LSS: variants seen among roughly 807,000 people sequenced by gnomAD.
The protein encoded by LSS is lanosterol synthase, also known as 2,3-epoxysqualene-lanosterol cyclase.
LSS carries 90 observed loss-of-function variants against 110.3 expected under a neutral mutation model. That is an observed-to-expected ratio of 0.82 (90% CI 0.69 to 0.97). LSS has a LOEUF of 0.97. Ranked by LOEUF, LSS falls within the 50% of genes least tolerant of loss-of-function variation. The probability of loss-of-function intolerance (pLI) is 0.00; values close to 1 mark genes in which losing one functional copy is unlikely to be tolerated. For synonymous variants in LSS, 433 were observed against 400.0 expected (o/e 1.08, Z -0.98); for missense variants, 927 against 990.0 (o/e 0.94, Z 0.85).
chr21:46,228,439 C>T lies in LSS; in HGVS notation c.175G>A (p.Asp59Asn). The T allele has an allele frequency of 1.9e-6, 3 of 1,602,714 alleles. No homozygotes were observed. The highest frequency in any genetic ancestry group is 1.7e-6 in the Non-Finnish European group (2 of 1,179,576). Residue 59 changes from aspartate to asparagine, a missense_variant, in exon 2 of 22, where the codon GAC (aspartate) becomes AAC (asparagine). By Grantham distance (23) the Asp-to-Asn change is conservative. Coordinates refer to ENST00000397728, the MANE Select transcript of LSS (RefSeq NM_002340.6). The part of the protein sequence containing the change: ...TGLEAYALGL[D>N]TKNYFKDLPK... ...GCTCCGCGGAAGCAACTTACGGTGT[C>T]CAGCCCCAGGGCGTAGGCTTCCAGG...
chr21:46,203,486 A>C (rs1354607769), intron 17 of LSS, among the ~76,000 whole-genome samples: 2 of 152,214 alleles, frequency 1.3e-5, no homozygotes, highest in African/African-American at 2.4e-5. Context: ...AGGAGGGGCG[A>C]CTTAGCTTCT....
At chr21:46,223,884 A>G (rs1487982265) in intron 3 of LSS, among the ~76,000 whole-genome samples, 1 of 152,158 alleles carries the variant, frequency 6.6e-6, no homozygotes, top group African/African-American at 2.4e-5. Context: ...CGGTAGCGAA[A>G]AGTGTCAAGG....
At chr21:46,217,373 T>C (rs991629424) in intron 6 of LSS, among the ~76,000 whole-genome samples, 1 of 152,128 alleles carries the variant, frequency 6.6e-6, no homozygotes, top group African/African-American at 2.4e-5. Context: ...CCAGGGTCTG[T>C]GTGTGCCTCA....
intron 11 of LSS, among the ~76,000 whole-genome samples, chr21:46,212,461 TG>T (rs2080146498): frequency 1.3e-5 from 2 of 152,200 alleles, no homozygotes; most frequent in Admixed American, 1.3e-4. Flanking sequence ...CGGACAGGAC[TG>T]CGGTCTACAG....
intron 4 of LSS, chr21:46,222,188 C>T (rs1015744674): frequency 2.4e-5 from 14 of 580,298 alleles, no homozygotes; most frequent in South Asian, 4.2e-5. Flanking sequence ...CCTTCCTCAC[C>T]GTGACCCGCC....
At chr21:46,192,750 G>T (rs1281002490) in intron 20 of LSS, 1 of 452,318 alleles carries the variant, frequency 2.2e-6, no homozygotes, top group Non-Finnish European at 4.4e-6. Flanking sequence ...GGGTGCATCT[G>T]CATGTGTGTA....
At chr21:46,191,336 G>C (rs1305745736) in intron 21 of LSS, 101 bp from the exon 22 acceptor site, 3 of 1,350,204 alleles carry the variant, frequency 2.2e-6, no homozygotes, top group Non-Finnish European at 3.1e-6. Flanking sequence ...GCTTGTGGGT[G>C]AGTCAGCCTG....
At chr21:46,210,582 G>A (rs1406809445) in intron 12 of LSS, 106 bp downstream of exon 12, 15 of 1,119,300 alleles carry the variant, frequency 1.3e-5, no homozygotes, top group Non-Finnish European at 1.6e-5. Flanking sequence ...TGGAAGTATC[G>A]AGGAGTGGCA....
chr21:46,205,880 C>T lies in LSS; in HGVS notation c.1626G>A (p.Lys542=), dbSNP rs1241521950. The change falls in exon 17 of 22, where the codon AAG becomes AAA. Residue 542 remains lysine, a synonymous_variant. Transcript: ENST00000397728. ...ECTSAVMQAL[K]YFHKRFPEHR... ...GCTCCGGGAAACGCTTGTGGAAATA[C>T]TTAAGCGCCTGCATCACGGCTGAGG... The T allele has an allele frequency of 3.1e-6, 5 of 1,611,104 alleles. No homozygotes were observed. In the South Asian group the frequency reaches 5.5e-5, roughly 18 times the overall value.
At position 46,189,316 on chromosome 21, in the gene LSS, T is replaced by C. The variant is rs1011563737; in HGVS notation, c.*1788A>G. ...AGACTCTGTGATTCACTGTCTGTCC[T>C]GCTGCTACCCCACGTGGGGGAGAAC... On this transcript the variant is annotated 3_prime_UTR_variant, in exon 22 of 22. Coordinates refer to ENST00000397728, the MANE Select transcript of LSS (RefSeq NM_002340.6). 1 of 274,548 alleles carries C rather than the reference T, an allele frequency of 3.6e-6. No homozygotes were observed. The highest frequency in any genetic ancestry group is 2.3e-5 in the African/African-American group (1 of 44,080). The allele number at this position is 274,548 out of a possible 1,614,324, so 17.0% of individuals were successfully genotyped here. A position where few individuals can be genotyped will look rare whatever the true frequency, so the allele number is the denominator to read the frequency against.
chr21:46,192,133 A>G, intron 20 of LSS, 174 bp from the exon 21 acceptor site: 1 of 636,064 alleles, frequency 1.6e-6, no homozygotes, highest in Non-Finnish European at 2.8e-6. Context: ...GGCTCTTGCC[A>G]CACCTTCTTC....
chr21:46,215,784 C>T lies in LSS; in HGVS notation c.793G>A (p.Val265Met). 11 of 1,609,890 alleles carry T rather than the reference C, an allele frequency of 6.8e-6. No individual in the cohort carries two copies. The highest frequency in any genetic ancestry group is 9.3e-6 in the Non-Finnish European group (11 of 1,177,354). ...CAGTCAATGCTGGCGAAGTCCTCCA[C>T]ATAGAGCTCCTGGTGGGGGCAGTGT... is the stretch of plus-strand genomic sequence containing the variant. The part of the protein sequence containing the change: ...LVQSLRQELY[V>M]EDFASIDWLA... Residue 265 changes from valine to methionine, a missense_variant, in exon 8 of 22, where the codon GTG becomes ATG. Val to Met is a conservative substitution (Grantham distance 21). Coordinates refer to ENST00000397728, the MANE Select transcript of LSS (RefSeq NM_002340.6).
intron 3 of LSS, 49 bp downstream of exon 3, chr21:46,227,502 AG>A (rs374916984): frequency 3.7e-6 from 6 of 1,608,036 alleles, no homozygotes. Context: ...CAGGATCCCA[AG>A]GGTGATCCAG....
rs2080188108 is a variant in LSS at position 46,215,317 on chromosome 21, A to G, written c.893-19T>C. 1 of 1,514,368 alleles carries G rather than the reference A, an allele frequency of 6.6e-7. No homozygotes were observed. The highest frequency in any genetic ancestry group is 2.3e-5 in the East Asian group (1 of 44,232). The allele number at this position is 1,514,368 out of a possible 1,614,324, so 93.8% of individuals were successfully genotyped here. ...AGGAGCGCTACAGGGGACAGGGGTCAGTGGATGCCAGACACCATGACACTG... is the reference window on the plus strand; with the variant it reads ...AGGAGCGCTACAGGGGACAGGGGTCGGTGGATGCCAGACACCATGACACTG... On this transcript the variant is annotated intron_variant, in intron 8 of 21. Coordinates refer to ENST00000397728, the MANE Select transcript of LSS (RefSeq NM_002340.6).
chr21:46,218,519 G>A (rs2080235455), intron 6 of LSS, among the ~76,000 whole-genome samples: 1 of 151,952 alleles, frequency 6.6e-6, no homozygotes, highest in South Asian at 2.1e-4. Context: ...AGCTACTCGG[G>A]AGGCAGAGGC....
At chr21:46,205,650 C>T (rs1228594495) in intron 17 of LSS, among the ~76,000 whole-genome samples, 186 bp downstream of exon 17, 2 of 152,212 alleles carry the variant, frequency 1.3e-5, no homozygotes, top group African/African-American at 4.8e-5. Context: ...CTATTCTGAG[C>T]CCCTAACAGA....
At position 46,195,894 on chromosome 21, in the gene LSS, G is replaced by T. The variant is rs756804947; in HGVS notation, c.1737-138C>A. 33 of 710,546 alleles carry T rather than the reference G, an allele frequency of 4.6e-5. No homozygotes were observed. In the East Asian group the frequency reaches 7.8e-4, roughly 17 times the overall value. 44.0% of individuals were successfully genotyped at this position (710,546 alleles called of 1,614,324 possible). ...TGCCTCAGGCATTAAGGCCGTGGAA[G>T]ACAGCAGCTCTGTCTGCTGGACCCT... On this transcript the variant is annotated intron_variant, in intron 18 of 21. Coordinates refer to ENST00000397728, the MANE Select transcript of LSS (RefSeq NM_002340.6).
Position 46,215,679 on chromosome 21 carries a change from G to A in LSS, c.892+6C>T, listed in dbSNP as rs373368510. The stretch of plus-strand genomic sequence containing the variant: ...CTGCCCTGCCGGCCCCTCAGGAGGC[G>A]CTCACCATATACCACGCGGAGCAGC... On this transcript the variant is annotated splice_donor_region_variant and intron_variant, in intron 8 of 21. Transcript: ENST00000397728. The A allele has an allele frequency of 1.6e-5, 25 of 1,597,858 alleles. No homozygotes were observed. The highest frequency in any genetic ancestry group is 1.7e-4 in the Middle Eastern group (1 of 5,994).
chr21:46,221,997 G>A, intron 4 of LSS, 22 bp from the exon 5 acceptor site: 1 of 1,613,612 alleles, frequency 6.2e-7, no homozygotes, highest in East Asian at 2.2e-5. Flanking sequence ...GAGGACAGGT[G>A]AGAAACCGGT....
Sources: allele counts gnomAD v4.1 joint callset (sites outside exome capture counted in the v4.1 genomes callset), GRCh38; gene constraint gnomAD v4.1.1; transcripts MANE v1.5; gene names NCBI Gene and HGNC (gene_info 2026-07-23, HGNC 2026-07-21).